The following CNTN3 variants were observed in gnomAD, a reference collection of about 807,000 sequenced individuals.
CNTN3 encodes contactin 3.
A neutral mutation model predicts 119.1 loss-of-function variants in CNTN3; 60 were observed. The ratio of observed to expected loss-of-function variants is 0.50; its 90% CI spans 0.41 to 0.62. The LOEUF (loss-of-function observed/expected upper bound fraction) is 0.62. Among genes scored for constraint, CNTN3 ranks in the 20% least tolerant of loss-of-function variants. The pLI is 0.00. For missense variants in CNTN3, 1,101 were observed against 1,242.4 expected (o/e 0.89, Z 1.71); for synonymous variants, 450 against 438.7 (o/e 1.03, Z -0.32).
intron 4 of CNTN3, among the ~76,000 whole-genome samples, 193 bp downstream of exon 4, chr3:74,486,263 T>TAC (rs141787585): frequency 0.013 from 1,935 of 150,018 alleles, 52 homozygotes; most frequent in African/African-American, 0.044. Context: ...CACACAGACA[T>TAC]ACACACACAC....
chr3:74,404,343 C>T (rs1057508049), intron 5 of CNTN3, among the ~76,000 whole-genome samples: 3 of 152,064 alleles, frequency 2.0e-5, no homozygotes, highest in African/African-American at 7.2e-5. Context: ...TCAGGGATGT[C>T]ATACACATTG....
intron 4 of CNTN3, among the ~76,000 whole-genome samples, chr3:74,468,120 T>G (rs2106993255): frequency 6.6e-6 from 1 of 152,336 alleles, no homozygotes; most frequent in South Asian, 2.1e-4. Flanking sequence ...TTCACAGGAC[T>G]TAGGTCTTAT....
At chr3:74,595,162 G>T (rs533658493) in intron 1 of CNTN3, among the ~76,000 whole-genome samples, 2 of 151,596 alleles carry the variant, frequency 1.3e-5, no homozygotes, top group African/African-American at 4.9e-5. Context: ...CTTGTAAATT[G>T]GTTTGAGTTC....
At chr3:74,477,020 A>T in intron 4 of CNTN3, among the ~76,000 whole-genome samples, 1 of 152,176 alleles carries the variant, frequency 6.6e-6, no homozygotes, top group East Asian at 1.9e-4. Context: ...CAAAAGTGGA[A>T]GACACATATA....
At chr3:74,314,203 C>G (rs777884544) in intron 13 of CNTN3, among the ~76,000 whole-genome samples, 2 of 151,976 alleles carry the variant, frequency 1.3e-5, no homozygotes, top group African/African-American at 4.8e-5. Context: ...ATAAAATTCT[C>G]AATTAAACCA....
rs372953438 is a variant in CNTN3 at position 74,433,777 on chromosome 3, CTT to C, written c.359-8839_359-8838del. Among the ~76,000 whole-genome samples the C allele has an allele frequency of 8.9e-4, 135 of 152,322 alleles. 1 individual carries two copies. The highest frequency in any genetic ancestry group is 3.1e-3 in the African/African-American group (128 of 41,570). On this transcript the variant is annotated intron_variant, in intron 4 of 22. Transcript: ENST00000263665. ...CCCACTCCTCCACTGACACAGAAGA[CTT>C]TTATTTATCTTCCAAACCAGCTTTG...
intron 4 of CNTN3, among the ~76,000 whole-genome samples, chr3:74,450,442 A>C (rs1702127610): frequency 6.6e-6 from 1 of 151,938 alleles, no homozygotes; most frequent in African/African-American, 2.4e-5. Context: ...TATTTACAAA[A>C]GAAAAAGGCT....
At chr3:74,554,476 G>A (rs1704040109) in intron 1 of CNTN3, among the ~76,000 whole-genome samples, 1 of 152,070 alleles carries the variant, frequency 6.6e-6, no homozygotes, top group South Asian at 2.1e-4. Flanking sequence ...AGCTTGATGG[G>A]GATAGCATGG....
chr3:74,577,208 A>C (rs1704432438), intron 1 of CNTN3, among the ~76,000 whole-genome samples: 1 of 152,226 alleles, frequency 6.6e-6, no homozygotes, highest in Non-Finnish European at 1.5e-5. Context: ...TGAATGGACA[A>C]ACTAATATCA....
chr3:74,426,175 A>G (rs1701692420), intron 4 of CNTN3, among the ~76,000 whole-genome samples: 1 of 152,128 alleles, frequency 6.6e-6, no homozygotes, highest in Admixed American at 6.6e-5. Flanking sequence ...TTCATAGGGA[A>G]AGAGGAAGAA....
At chr3:74,536,597 C>T (rs963739730) in intron 1 of CNTN3, among the ~76,000 whole-genome samples, 1 of 152,060 alleles carries the variant, frequency 6.6e-6, no homozygotes, top group African/African-American at 2.4e-5. Context: ...TGGACGAATA[C>T]ATTTGTAATA....
At chr3:74,495,273 T>C (rs1703039640) in intron 3 of CNTN3, among the ~76,000 whole-genome samples, 1 of 151,948 alleles carries the variant, frequency 6.6e-6, no homozygotes, top group Non-Finnish European at 1.5e-5. Context: ...TCTTGACACA[T>C]AAAAGTAAAA....
chr3:74,271,677 A>G (rs796673628), intron 20 of CNTN3, among the ~76,000 whole-genome samples: 2 of 152,176 alleles, frequency 1.3e-5, no homozygotes, highest in South Asian at 4.1e-4. Context: ...AGTTGTTATA[A>G]CTAGTAGCTA....
intron 1 of CNTN3, among the ~76,000 whole-genome samples, chr3:74,592,651 A>G (rs947273619): frequency 3.3e-5 from 5 of 151,938 alleles, no homozygotes; most frequent in Non-Finnish European, 7.4e-5. Context: ...AAATGAGAAT[A>G]AAGTGAAAAA....
In CNTN3 at chr3:74,450,837, T is replaced by G. The variant is rs1382833413; in HGVS notation, c.359-25897A>C. ...TTCATCCATGTCCCTACAAAGGACA[T>G]GAACTCATCATTTTTTATGGCTGCG... On this transcript the variant is annotated intron_variant, in intron 4 of 22. Coordinates refer to ENST00000263665, the MANE Select transcript of CNTN3 (RefSeq NM_020872.3). Among the ~76,000 whole-genome samples, 4 of 152,030 alleles carry G rather than the reference T, an allele frequency of 2.6e-5. No homozygotes were observed. The East Asian group carries it at 7.8e-4, about 29-fold the overall frequency.
intron 4 of CNTN3, among the ~76,000 whole-genome samples, chr3:74,466,725 A>G (rs1158294728): frequency 6.6e-6 from 1 of 152,168 alleles, no homozygotes; most frequent in Non-Finnish European, 1.5e-5. Flanking sequence ...CAAATTTAAT[A>G]ACTTGAGACT....
rs1031717805 is a variant in CNTN3 at position 74,486,625 on chromosome 3, C to T, written c.189G>A (p.Gln63=). 3 of 1,541,008 alleles carry T rather than the reference C, an allele frequency of 1.9e-6. No individual in the cohort carries two copies. The highest frequency in any genetic ancestry group is 2.6e-6 in the Non-Finnish European group (3 of 1,150,562). ...TCATATCAATATCACTTCCATTCAG[C>T]TGCCATCTGTAAAACAAATATCAAG... is the stretch of plus-strand genomic sequence containing the variant. ...RGNPSPHYRW[Q]LNGSDIDMSM... is the part of the protein sequence containing the mutation. The change falls in exon 4 of 23, where the codon CAG becomes CAA. Residue 63 remains glutamine, a synonymous_variant. Coordinates refer to ENST00000263665, the MANE Select transcript of CNTN3 (RefSeq NM_020872.3).
chr3:74,326,712 G>A (rs553770476), intron 13 of CNTN3, among the ~76,000 whole-genome samples: 227 of 152,082 alleles, frequency 1.5e-3, no homozygotes, highest in African/African-American at 5.2e-3. Context: ...AAAAATTTTA[G>A]AGTTGATACT....
In CNTN3 at chr3:74,301,468, A is replaced by C. The variant is rs1702453028; in HGVS notation, c.2025T>G (p.Val675=). ...LNPWVEYEFR[V]VASNKIGGGE... ...CACCTCCAATTTTGTTACTGGCTACAACCCGAAATTCATATTCCACCCATG... is the reference window on the plus strand; with the variant it reads ...CACCTCCAATTTTGTTACTGGCTACCACCCGAAATTCATATTCCACCCATG... Residue 675 remains valine (V), a synonymous_variant, in exon 16 of 23, where the codon GTT becomes GTG. Transcript: ENST00000263665. 5 of 1,614,142 alleles carry C rather than the reference A, an allele frequency of 3.1e-6. No homozygotes were observed. Among genetic ancestry groups the C allele is most frequent in the Non-Finnish European group, 4.2e-6 (5 of 1,180,016 alleles).
Sources: gnomAD v4.1 joint callset for allele counts (sites outside exome capture counted in the v4.1 genomes callset) on GRCh38, gnomAD v4.1.1 for gene constraint, MANE v1.5 for transcripts, NCBI Gene and HGNC (gene_info 2026-07-23, HGNC 2026-07-21) for gene names.